Variants in SMIM10L3 observed in about 807,000 individuals in gnomAD.
SMIM10L3 encodes salivary gland specific protein SAGSIN1.
the SMIM10L3 span, among the ~76,000 whole-genome samples, chr7:6,336,172 C>CAA: frequency 0.16 from 21,649 of 131,624 alleles, 1,986 homozygotes; most frequent in Admixed American, 0.26. Context: ...GATTTTGCCT[C>CAA]AAAAAAAAAA....
At chr7:6,348,698 A>G in the SMIM10L3 span, 2 of 444,390 alleles carry the variant, frequency 4.5e-6, no homozygotes, top group Non-Finnish European at 4.0e-6. Context: ...AAGACCCCAT[A>G]GGAGCGGGCG....
chr7:6,343,391 TA>T, the SMIM10L3 span, among the ~76,000 whole-genome samples: 3 of 108,134 alleles, frequency 2.8e-5, no homozygotes, highest in African/African-American at 1.1e-4. Context: ...AAAATAATAA[TA>T]ATTTCATATA....
the SMIM10L3 span, among the ~76,000 whole-genome samples, chr7:6,332,723 G>C: frequency 6.6e-6 from 1 of 151,914 alleles, no homozygotes; most frequent in South Asian, 2.1e-4. Context: ...TAAAATTAAA[G>C]AGCAGCAACA....
the SMIM10L3 span, chr7:6,331,228 A>G: frequency 7.0e-7 from 1 of 1,424,536 alleles, no homozygotes; most frequent in East Asian, 2.3e-5. Flanking sequence ...ATGGATCTCA[A>G]TATGAACCTA....
the SMIM10L3 span, among the ~76,000 whole-genome samples, chr7:6,333,481 A>G: frequency 6.6e-6 from 1 of 152,182 alleles, no homozygotes; most frequent in Non-Finnish European, 1.5e-5. Flanking sequence ...AAGGAGGGAC[A>G]GACTAAAGTT....
the SMIM10L3 span, among the ~76,000 whole-genome samples, chr7:6,343,444 A>G: frequency 8.7e-6 from 1 of 114,678 alleles, no homozygotes; most frequent in Non-Finnish European, 1.8e-5. Flanking sequence ...ATATATATAT[A>G]TGATCTAGGA....
At chr7:6,334,337 A>G in the SMIM10L3 span, among the ~76,000 whole-genome samples, 1 of 151,252 alleles carries the variant, frequency 6.6e-6, no homozygotes, top group Non-Finnish European at 1.5e-5. Context: ...GGAGTTCAAG[A>G]CCAGCCTGAA....
At chr7:6,348,238 G>GC in the SMIM10L3 span, among the ~76,000 whole-genome samples, 1 of 150,960 alleles carries the variant, frequency 6.6e-6, no homozygotes, top group Non-Finnish European at 1.5e-5. Flanking sequence ...AATAAGGGGG[G>GC]GGGTTGCAAA....
chr7:6,335,668 A>G, the SMIM10L3 span, among the ~76,000 whole-genome samples: 4 of 152,176 alleles, frequency 2.6e-5, no homozygotes, highest in African/African-American at 9.6e-5. Flanking sequence ...ATACTTATAT[A>G]TATCTTGTGG....
the SMIM10L3 span, among the ~76,000 whole-genome samples, chr7:6,346,407 C>A: frequency 6.6e-6 from 1 of 152,166 alleles, no homozygotes; most frequent in South Asian, 2.1e-4. Flanking sequence ...CTTACTGTCG[C>A]CCAGGCTGGA....
At chr7:6,334,776 GT>G in the SMIM10L3 span, among the ~76,000 whole-genome samples, 6 of 144,432 alleles carry the variant, frequency 4.2e-5, no homozygotes, top group Non-Finnish European at 6.0e-5. Context: ...TGGATAGTTA[GT>G]TAGTTATTTT....
chr7:6,339,832 C>T, the SMIM10L3 span, among the ~76,000 whole-genome samples: 2 of 151,908 alleles, frequency 1.3e-5, no homozygotes, highest in Non-Finnish European at 2.9e-5. Context: ...CTCACAGGTG[C>T]GATCACAAGG....
chr7:6,334,269 C>T, the SMIM10L3 span, among the ~76,000 whole-genome samples: 1 of 151,324 alleles, frequency 6.6e-6, no homozygotes. Flanking sequence ...GGCGCAGTGG[C>T]TCACGCCTGT....
chr7:6,344,577 C>T, the SMIM10L3 span, among the ~76,000 whole-genome samples: 1 of 152,074 alleles, frequency 6.6e-6, no homozygotes, highest in South Asian at 2.1e-4. Context: ...CACCACCACG[C>T]CCAGCTAATT....
chr7:6,346,682 G>A, the SMIM10L3 span, among the ~76,000 whole-genome samples: 1 of 152,142 alleles, frequency 6.6e-6, no homozygotes, highest in Non-Finnish European at 1.5e-5. Flanking sequence ...ACTGTGCCCA[G>A]CCATCTTAAC....
chr7:6,333,172 A>C, the SMIM10L3 span, among the ~76,000 whole-genome samples: 33 of 151,984 alleles, frequency 2.2e-4, no homozygotes, highest in Non-Finnish European at 4.4e-4. Context: ...AAAAATCAAA[A>C]AAAAAAAAAC....
chr7:6,330,758 C>G, the SMIM10L3 span: 1 of 1,614,168 alleles, frequency 6.2e-7, no homozygotes, highest in Non-Finnish European at 8.5e-7. Flanking sequence ...CTGGGCCCTC[C>G]TCCCAGCCAG....
At chr7:6,335,678 G>C in the SMIM10L3 span, among the ~76,000 whole-genome samples, 2 of 151,870 alleles carry the variant, frequency 1.3e-5, no homozygotes, top group Non-Finnish European at 2.9e-5. Flanking sequence ...ATATCTTGTG[G>C]GACATGCTGA....
At chr7:6,339,897 C>G in the SMIM10L3 span, among the ~76,000 whole-genome samples, 2 of 149,424 alleles carry the variant, frequency 1.3e-5, no homozygotes, top group African/African-American at 2.5e-5. Flanking sequence ...ACTGACTTTC[C>G]GCAGGGAGCA....
Sources: gnomAD v4.1 joint callset for allele counts (sites outside exome capture counted in the v4.1 genomes callset) on GRCh38, gnomAD v4.1.1 for gene constraint, MANE v1.5 for transcripts, NCBI Gene and HGNC (gene_info 2026-07-23, HGNC 2026-07-21) for gene names.